The following NEURL4 variants were observed in gnomAD, a reference collection of about 807,000 sequenced individuals.
NEURL4 encodes neuralized-like protein 4.
A neutral mutation model predicts 148.0 loss-of-function variants in NEURL4; 45 were observed. That is an observed-to-expected ratio of 0.30 (90% confidence interval 0.24 to 0.39). NEURL4 has a LOEUF of 0.39. NEURL4 is among the 10% of genes least tolerant of loss of function. The pLI is 1.00. For synonymous variants in NEURL4, 854 were observed against 869.0 expected (o/e 0.98, Z 0.30); for missense variants, 1,776 against 2,144.0 (o/e 0.83, Z 3.39).
At chr17:7,325,523 G>A in intron 7 of NEURL4, 50 bp from the exon 8 acceptor site, 2 of 1,600,134 alleles carry the variant, frequency 1.2e-6, no homozygotes, top group Non-Finnish European at 1.7e-6. Flanking sequence ...AGAATGAGGG[G>A]AGAAAGTCAA....
At position 7,322,640 on chromosome 17, in the gene NEURL4, A is replaced by G; in HGVS notation, c.2725+95T>C. On this transcript the variant is annotated intron_variant, in intron 16 of 28. Transcript: ENST00000399464. This position sits in a 1 kb window ranked among gnomAD's most constrained non-coding sequence, Gnocchi z 5.5. Reference sequence around the variant, plus strand: ...CTGGAGCCGGCAGCTACCCCAGCCAACCGTCTTTGCAGAACCTCTCTAACC... The same window carrying G: ...CTGGAGCCGGCAGCTACCCCAGCCAGCCGTCTTTGCAGAACCTCTCTAACC... 4 of 1,505,606 alleles carry G rather than the reference A, an allele frequency of 2.7e-6. No homozygotes were observed. The highest frequency in any genetic ancestry group is 3.6e-6 in the Non-Finnish European group (4 of 1,113,780). The allele number at this position is 1,505,606 out of a possible 1,614,324, so 93.3% of individuals were successfully genotyped here. A position where few individuals can be genotyped will look rare whatever the true frequency, so the allele number is the denominator to read the frequency against.
chr17:7,327,837 G>A lies in NEURL4; in HGVS notation c.330C>T (p.Asp110=). The A allele has an allele frequency of 2.5e-6, 4 of 1,613,500 alleles. No individual in the cohort carries two copies. Among genetic ancestry groups the A allele is most frequent in the Non-Finnish European group, 2.5e-6 (3 of 1,179,898 alleles). ...GSIEIGVTAL[D]PSVLDFPSSA... ...TGCTTGGAAAGTCCAGCACACTGGG[G>A]TCCAGCGCTGTCACCCCAATCTCAA... Residue 110 remains aspartate (D), a synonymous_variant, in exon 2 of 29, where the codon GAC becomes GAT. Transcript: ENST00000399464. This position sits in a 1 kb window ranked among gnomAD's most constrained non-coding sequence, Gnocchi z 6.6.
In NEURL4 at chr17:7,323,043, C is replaced by T. The variant is rs748682009; in HGVS notation, c.2498G>A (p.Arg833His). ...CDLDALGTGA[R>H]IGMMRTAKGD... is the part of the protein sequence containing the mutation. ...CTTGGCAGTTCGCATCATGCCAATGCGTGCACCTGTGCCCAGCGCATCCAG... is the reference window on the plus strand; with the variant it reads ...CTTGGCAGTTCGCATCATGCCAATGTGTGCACCTGTGCCCAGCGCATCCAG... Residue 833 changes from arginine (R) to histidine (H), a missense_variant, in exon 15 of 29, where the codon CGC becomes CAC. Physicochemically the swap from Arg to His is conservative, Grantham distance 29. Coordinates refer to ENST00000399464, the MANE Select transcript of NEURL4 (RefSeq NM_032442.3). 3.7e-6 allele frequency: 6 copies of T among 1,613,748 alleles called. No individual in the cohort carries two copies. Among genetic ancestry groups the T allele is most frequent in the East Asian group, 2.2e-5 (1 of 44,884 alleles).
Position 7,327,290 on chromosome 17 carries a change from G to T in NEURL4, c.728-60C>A. 1.3e-6 allele frequency: 2 copies of T among 1,508,042 alleles called. No individual in the cohort carries two copies. The highest frequency in any genetic ancestry group is 8.9e-7 in the Non-Finnish European group (1 of 1,123,472). 93.4% of individuals were successfully genotyped at this position (1,508,042 alleles called of 1,614,324 possible). The stretch of plus-strand genomic sequence containing the variant: ...TTCAGTCCCTGCTTCACGGCCCATA[G>T]CCAGGAGAACCCCCCATCCTCTAGC... On this transcript the variant is annotated intron_variant, in intron 2 of 28. Coordinates refer to ENST00000399464, the MANE Select transcript of NEURL4 (RefSeq NM_032442.3). The surrounding 1 kb of genome is among the most constrained non-coding windows in gnomAD (Gnocchi z 6.6).
At chr17:7,319,289 G>T (rs2072994339) in intron 21 of NEURL4, 81 bp from the exon 22 acceptor site, 11 of 1,274,740 alleles carry the variant, frequency 8.6e-6, no homozygotes, top group Non-Finnish European at 1.2e-5. Flanking sequence ...AGGGAATACT[G>T]CACCTCCCAG....
rs372363218 is a variant in NEURL4, at chr17:7,319,076, G to A, written c.3658C>T (p.Arg1220Cys). 7 of 1,613,634 alleles carry A rather than the reference G, an allele frequency of 4.3e-6. No individual in the cohort carries two copies. Among genetic ancestry groups the A allele is most frequent in the Non-Finnish European group, 5.9e-6 (7 of 1,179,784 alleles). The change falls in exon 22 of 29, where the codon CGT becomes TGT. Residue 1220 changes from arginine (R) to cysteine (C), a missense_variant. Physicochemically the swap from Arg to Cys is radical, Grantham distance 180. Coordinates refer to ENST00000399464, the MANE Select transcript of NEURL4 (RefSeq NM_032442.3). ...LKRAAWLLRGRGVFHNGLKIC... is the reference protein window; with the variant it reads ...LKRAAWLLRGCGVFHNGLKIC... ...TTGAGACCGTTGTGGAAGACCCCAC[G>A]GCCCCGCAGCAGCCAGGCTGCCCGT...
Position 7,329,259 on chromosome 17 carries a change from C to T in NEURL4, c.54G>A (p.Gly18=), listed in dbSNP as rs569752802. The part of the protein sequence containing the change: ...SGGSGGGPGP[G]PGGGGGPSGS... ...CGCTGGGGCCCCCACCCCCGCCCGG[C>T]CCCGGTCCAGGGCCTCCCCCAGAGC... Residue 18 remains glycine (G), a synonymous_variant, in exon 1 of 29, where the codon GGG becomes GGA. Transcript: ENST00000399464. 52 of 1,471,530 alleles carry T rather than the reference C, an allele frequency of 3.5e-5. 2 individuals are homozygous for T. In the South Asian group the frequency reaches 6.0e-4, roughly 17 times the overall value. 91.2% of individuals were successfully genotyped at this position (1,471,530 alleles called of 1,614,324 possible). A position where few individuals can be genotyped will look rare whatever the true frequency, so the allele number is the denominator to read the frequency against.
At position 7,320,062 on chromosome 17, in the gene NEURL4, T is replaced by C. The variant is rs552531306; in HGVS notation, c.3525+697A>G. On this transcript the variant is annotated intron_variant, in intron 21 of 28. Transcript: ENST00000399464. ...AGCCAGGATGGTCTTGATCTCCTGA[T>C]CTCGTGATCTGCCCGCCTCGGCCTT... Among the ~76,000 whole-genome samples the C allele has an allele frequency of 3.4e-4, 52 of 152,004 alleles. 1 individual carries two copies. Among genetic ancestry groups the C allele is most frequent in the African/African-American group, 1.2e-3 (48 of 41,486 alleles).
chr17:7,315,820 A>T lies in NEURL4; in HGVS notation c.*303T>A, dbSNP rs2072933884. The T allele has an allele frequency of 3.9e-6, 2 of 513,132 alleles. No homozygotes were observed. The highest frequency in any genetic ancestry group is 3.4e-6 in the Non-Finnish European group (1 of 290,610). The allele number at this position is 513,132 out of a possible 1,614,324, so 31.8% of individuals were successfully genotyped here. A position where few individuals can be genotyped will look rare whatever the true frequency, so the allele number is the denominator to read the frequency against. ...CCAGAAACAAAAACGGAAATAAATT[A>T]AGTGATGTGGGGTAGGGGAGTAAAA... On this transcript the variant is annotated 3_prime_UTR_variant, in exon 29 of 29. Transcript: ENST00000399464.
At chr17:7,316,389 G>A in intron 28 of NEURL4, 62 bp from the exon 29 acceptor site, 1 of 1,376,750 alleles carries the variant, frequency 7.3e-7, no homozygotes. Context: ...CCCTTGCAAA[G>A]TCTGTTCCAA....
intron 21 of NEURL4, 60 bp downstream of exon 21, chr17:7,320,699 G>C: frequency 6.6e-7 from 1 of 1,506,536 alleles, no homozygotes. Flanking sequence ...TTTTTTCAGG[G>C]GGGTTGGCCA....
At position 7,329,066 on chromosome 17, in the gene NEURL4, C is replaced by A; in HGVS notation, c.247G>T (p.Asp83Tyr). 1 of 1,596,870 alleles carries A rather than the reference C, an allele frequency of 6.3e-7. No homozygotes were observed. The highest frequency in any genetic ancestry group is 8.5e-7 in the Non-Finnish European group (1 of 1,171,502). The change falls in exon 1 of 29, where the codon GAT becomes TAT. Residue 83 changes from aspartate to tyrosine, a missense_variant. Asp to Tyr is a radical substitution (Grantham distance 160). Transcript: ENST00000399464. ...GLVLSREPLRDGRVFTVRIDR... is the reference protein window; with the variant it reads ...GLVLSREPLRYGRVFTVRIDR... ...ATGCGGACGGTGAAGACGCGTCCAT[C>A]GCGCAAGGGTTCTCGGCTCAACACC...
At chr17:7,319,709 CAAA>C (rs201718217) in intron 21 of NEURL4, among the ~76,000 whole-genome samples, 2 of 112,356 alleles carry the variant, frequency 1.8e-5, no homozygotes, top group Non-Finnish European at 3.7e-5. Context: ...TCAAAAAAAA[CAAA>C]AAAACAAAAA....
At chr17:7,320,360 C>T (rs538476909) in intron 21 of NEURL4, among the ~76,000 whole-genome samples, 1 of 152,102 alleles carries the variant, frequency 6.6e-6, no homozygotes, top group African/African-American at 2.4e-5. Flanking sequence ...GTCGCGAACT[C>T]GTGAGCTCAA....
In NEURL4 at chr17:7,318,554, C is replaced by T; in HGVS notation, c.3805G>A (p.Val1269Met). 1 of 1,613,540 alleles carries T rather than the reference C, an allele frequency of 6.2e-7. No individual in the cohort carries two copies. The highest frequency in any genetic ancestry group is 8.5e-7 in the Non-Finnish European group (1 of 1,179,736). ...TGGCAGGGCTGGGGCACATCTGGCA[C>T]AGCTACCCCCTGGTCCACCCCATTA... ...HVNGVDQGVA[V>M]PDVPQPCHAL... is the part of the protein sequence containing the mutation. The change falls in exon 23 of 29, where the codon GTG becomes ATG. Residue 1269 changes from valine (V) to methionine (M), a missense_variant. Val to Met is a conservative substitution (Grantham distance 21). Transcript: ENST00000399464. This position sits in a 1 kb window ranked among gnomAD's most constrained non-coding sequence, Gnocchi z 4.3.
intron 21 of NEURL4, 44 bp from the exon 22 acceptor site, chr17:7,319,252 G>C (rs761185375): frequency 5.1e-6 from 8 of 1,554,870 alleles, no homozygotes; most frequent in Non-Finnish European, 6.1e-6. Context: ...CTCCTGGGAA[G>C]AACCAGGCTC....
rs1263152751 is a variant in NEURL4, at chr17:7,322,295, C to A, written c.2726-285G>T. ...ACCTCAGCCTCTCAAGTAGCTGGGA[C>A]CACAGGTGCATGCCACCACACCTGC... On this transcript the variant is annotated intron_variant, in intron 16 of 28. Transcript: ENST00000399464. This position sits in a 1 kb window ranked among gnomAD's most constrained non-coding sequence, Gnocchi z 5.5. Among the ~76,000 whole-genome samples the A allele has an allele frequency of 6.6e-6, 1 of 152,120 alleles. No homozygotes were observed. The highest frequency in any genetic ancestry group is 2.4e-5 in the African/African-American group (1 of 41,400).
rs1015455844 is a variant in NEURL4, at chr17:7,321,243, G to A, written c.3229C>T (p.Pro1077Ser). Reference protein sequence around the residue: ...NVWAVLDLYGPVRGVSIVSST... With the variant: ...NVWAVLDLYGSVRGVSIVSST... ...CTGACAATTGACACACCGCGGACTG[G>A]CCCGTAGAGATCCAACACAGCCCAC... Residue 1077 changes from proline to serine, a missense_variant, in exon 20 of 29, where the codon CCA becomes TCA. Transcript: ENST00000399464. This position sits in a 1 kb window ranked among gnomAD's most constrained non-coding sequence, Gnocchi z 6.3. The A allele has an allele frequency of 9.3e-6, 15 of 1,613,838 alleles. No homozygotes were observed. Among genetic ancestry groups the A allele is most frequent in the Non-Finnish European group, 1.3e-5 (15 of 1,180,008 alleles).
intron 26 of NEURL4, 27 bp from the exon 27 acceptor site, chr17:7,317,600 A>T: frequency 6.2e-7 from 1 of 1,606,824 alleles, no homozygotes; most frequent in Non-Finnish European, 8.5e-7. Flanking sequence ...CGGGGCAGAT[A>T]CAACGAAGGC....
Sources: gnomAD v4.1 joint callset for allele counts (sites outside exome capture counted in the v4.1 genomes callset) on GRCh38, gnomAD v4.1.1 for gene constraint, Gnocchi (gnomAD v3.1) non-coding constraint, MANE v1.5 for transcripts, NCBI Gene and HGNC (gene_info 2026-07-23, HGNC 2026-07-21) for gene names.